ASAP1: variants seen among roughly 807,000 people sequenced by gnomAD.
The protein encoded by ASAP1 is arf-GAP with SH3 domain, ANK repeat and PH domain-containing protein 1.
ASAP1 carries 43 observed loss-of-function variants against 145.2 expected under a neutral mutation model. The observed-to-expected ratio is 0.30, with a 90% CI of 0.23 to 0.38. ASAP1 has a LOEUF of 0.38. Among genes scored for constraint, ASAP1 ranks in the 10% least tolerant of loss-of-function variants. ASAP1 has a pLI of 1.00. For synonymous variants in ASAP1, 546 were observed against 515.5 expected, an observed-to-expected ratio of 1.06 and a Z score of -0.80; for missense variants, 1,018 against 1,355.3, an observed-to-expected ratio of 0.75 and a Z score of 3.91.
intron 7 of ASAP1, among the ~76,000 whole-genome samples, chr8:130,185,745 A>G (rs1311178544): frequency 2.0e-5 from 3 of 150,236 alleles, no homozygotes; most frequent in Non-Finnish European, 4.4e-5. Flanking sequence ...AAAAAAAAAA[A>G]AAAGAAAAAG....
intron 3 of ASAP1, among the ~76,000 whole-genome samples, chr8:130,307,243 T>C (rs546870464): frequency 1.0e-4 from 15 of 149,856 alleles, no homozygotes; most frequent in African/African-American, 3.4e-4. Context: ...CCAGAACAAT[T>C]ACTATAAAAC....
intron 4 of ASAP1, among the ~76,000 whole-genome samples, chr8:130,229,440 A>G (rs1041063558): frequency 6.6e-6 from 1 of 152,200 alleles, no homozygotes; most frequent in African/African-American, 2.4e-5. Flanking sequence ...AGGAAAATGC[A>G]TTTTGAAATA....
intron 1 of ASAP1, among the ~76,000 whole-genome samples, chr8:130,426,247 C>T (rs895259897): frequency 6.6e-6 from 1 of 152,076 alleles, no homozygotes; most frequent in Non-Finnish European, 1.5e-5. Flanking sequence ...TACCTGCTTC[C>T]CCTTCGCCTT....
chr8:130,402,946 C>T (rs1422526331), intron 1 of ASAP1, among the ~76,000 whole-genome samples: 2 of 150,776 alleles, frequency 1.3e-5, no homozygotes, highest in African/African-American at 2.4e-5. Flanking sequence ...TCTTTTATTA[C>T]AGGGAATTGT....
chr8:130,101,732 A>AT lies in ASAP1; in HGVS notation c.2402-9590dup, dbSNP rs59778799. Among the ~76,000 whole-genome samples the AT allele has an allele frequency of 7.8e-3, 682 of 86,912 alleles. 29 individuals carry two copies. Among genetic ancestry groups the AT allele is most frequent in the Admixed American group, 9.2e-3 (63 of 6,836 alleles). The allele number at this position is 86,912 out of a possible 152,430, so 57.0% of individuals were successfully genotyped here. A position where few individuals can be genotyped will look rare whatever the true frequency, so the allele number is the denominator to read the frequency against. On this transcript the variant is annotated intron_variant, in intron 24 of 29. Transcript: ENST00000518721. ...AGGCATGTGCTACCACACCTGGTTA[A>AT]TTTTTTTTTTTTTTTTTTTTGCAGA...
intron 1 of ASAP1, among the ~76,000 whole-genome samples, chr8:130,415,021 G>A (rs1283363636): frequency 6.6e-6 from 1 of 152,252 alleles, no homozygotes; most frequent in African/African-American, 2.4e-5. Context: ...GCCTCCCAAA[G>A]TGCTGGGATT....
At chr8:130,186,220 G>C (rs995862854) in intron 7 of ASAP1, among the ~76,000 whole-genome samples, 1 of 152,102 alleles carries the variant, frequency 6.6e-6, no homozygotes, top group African/African-American at 2.4e-5. Context: ...TTTTAAGAAC[G>C]TTTTTGTTCT....
At chr8:130,361,734 T>A in intron 2 of ASAP1, 2 of 1,535,808 alleles carry the variant, frequency 1.3e-6, no homozygotes, top group Non-Finnish European at 1.7e-6. Context: ...TCTGCACCTC[T>A]CATTTTCTCA....
chr8:130,118,796 C>T, intron 18 of ASAP1, 121 bp from the exon 19 acceptor site: 1 of 688,710 alleles, frequency 1.5e-6, no homozygotes, highest in Non-Finnish European at 2.1e-6. Context: ...TTTCACCATT[C>T]AAATAAACCA....
At chr8:130,160,816 A>T in intron 11 of ASAP1, 1 of 1,281,556 alleles carries the variant, frequency 7.8e-7, no homozygotes, top group Non-Finnish European at 1.0e-6. Flanking sequence ...AGGGCAAAAG[A>T]AACAGAGAAA....
At position 130,079,886 on chromosome 8, in the gene ASAP1, C is replaced by T. The variant is rs551464063; in HGVS notation, c.2642+16G>A. ...AATGGATCCAACAGGGGAAATGAAG[C>T]GCTGAGATGGCTTACCTCGACTGCT... On this transcript the variant is annotated intron_variant, in intron 26 of 29. Coordinates refer to ENST00000518721, the MANE Select transcript of ASAP1 (RefSeq NM_018482.4). 4.5e-5 allele frequency: 73 copies of T among 1,611,670 alleles called. No homozygotes were observed. Among genetic ancestry groups the T allele is most frequent in the African/African-American group, 3.9e-4 (29 of 74,890 alleles).
intron 13 of ASAP1, among the ~76,000 whole-genome samples, chr8:130,140,638 T>C (rs188393668): frequency 6.6e-6 from 1 of 152,344 alleles, no homozygotes; most frequent in East Asian, 1.9e-4. Context: ...GATGACGTTA[T>C]GATGTTTATT....
chr8:130,247,765 TAGTG>T (rs1246253887), intron 3 of ASAP1, among the ~76,000 whole-genome samples: 14 of 152,146 alleles, frequency 9.2e-5, no homozygotes, highest in Non-Finnish European at 1.8e-4. Flanking sequence ...TTGCTCAGCA[TAGTG>T]AGTGTCAGTT....
In ASAP1 at chr8:130,246,652, G is replaced by A. The variant is rs560434103; in HGVS notation, c.187-9658C>T. Among the ~76,000 whole-genome samples, 20 of 152,198 alleles carry A rather than the reference G, an allele frequency of 1.3e-4. 2 individuals carry two copies. Among genetic ancestry groups the A allele is most frequent in the African/African-American group, 3.6e-4 (15 of 41,534 alleles). The stretch of plus-strand genomic sequence containing the variant: ...ACGCGGAACTGTGAGTCAATTAAAC[G>A]TCTTTTCTTTATAAATTACCCAATA... On this transcript the variant is annotated intron_variant, in intron 3 of 29. Coordinates refer to ENST00000518721, the MANE Select transcript of ASAP1 (RefSeq NM_018482.4).
intron 25 of ASAP1, among the ~76,000 whole-genome samples, chr8:130,085,272 C>T (rs1592764210): frequency 6.6e-6 from 1 of 152,106 alleles, no homozygotes; most frequent in African/African-American, 2.4e-5. Context: ...GGGTCAAATC[C>T]GTGGCCCACT....
At chr8:130,154,061 C>T (rs1225740392) in intron 12 of ASAP1, among the ~76,000 whole-genome samples, 1 of 152,056 alleles carries the variant, frequency 6.6e-6, no homozygotes, top group Non-Finnish European at 1.5e-5. Context: ...AAGAAAGTAA[C>T]TCAAGAAGTC....
intron 3 of ASAP1, among the ~76,000 whole-genome samples, chr8:130,265,961 G>C (rs1820218927): frequency 6.6e-6 from 1 of 152,214 alleles, no homozygotes; most frequent in African/African-American, 2.4e-5. Context: ...AACATCCATA[G>C]TGAGTAAGCA....
intron 3 of ASAP1, among the ~76,000 whole-genome samples, chr8:130,311,084 C>A (rs1431170692): frequency 1.3e-5 from 2 of 152,148 alleles, no homozygotes; most frequent in South Asian, 2.1e-4. Flanking sequence ...CAGTCCAGGG[C>A]AGGTTGTCAG....
chr8:130,203,598 AG>A (rs1379503880), intron 5 of ASAP1, among the ~76,000 whole-genome samples: 6 of 152,212 alleles, frequency 3.9e-5, no homozygotes, highest in African/African-American at 1.4e-4. Context: ...TGAATCGGCT[AG>A]GAAGAGTGGG....
Sources: allele counts gnomAD v4.1 joint callset (sites outside exome capture counted in the v4.1 genomes callset), GRCh38; gene constraint gnomAD v4.1.1; transcripts MANE v1.5; gene names NCBI Gene and HGNC (gene_info 2026-07-23, HGNC 2026-07-21).